Variants in TIMP3 observed in about 807,000 individuals in gnomAD.
TIMP3 encodes TIMP metallopeptidase inhibitor 3, also known as metalloproteinase inhibitor 3.
A neutral mutation model predicts 30.0 loss-of-function variants in TIMP3; 11 were observed. That is an observed-to-expected ratio of 0.37 (90% confidence interval 0.23 to 0.61). The LOEUF is 0.61. Among genes scored for constraint, TIMP3 ranks in the 20% least tolerant of loss-of-function variants. The pLI is 0.70. For missense variants in TIMP3, 181 were observed against 276.8 expected, an observed-to-expected ratio of 0.65 and a Z score of 2.45; for synonymous variants, 112 against 111.3, an observed-to-expected ratio of 1.01 and a Z score of -0.04.
At chr22:32,854,331 C>A (rs920848026) in intron 2 of TIMP3, among the ~76,000 whole-genome samples, 28 of 152,110 alleles carry the variant, frequency 1.8e-4, no homozygotes, top group Non-Finnish European at 1.6e-4. Context: ...CAAGTAGCTG[C>A]GGTGCCAAGC....
intron 1 of TIMP3, among the ~76,000 whole-genome samples, chr22:32,843,570 C>T (rs1021971200): frequency 2.6e-5 from 4 of 152,322 alleles, no homozygotes; most frequent in East Asian, 3.9e-4. Context: ...AAAATACACA[C>T]GAAGGGGCCG....
chr22:32,813,449 G>A (rs2046966035), intron 1 of TIMP3, among the ~76,000 whole-genome samples: 1 of 149,318 alleles, frequency 6.7e-6, no homozygotes, highest in African/African-American at 2.5e-5. Flanking sequence ...GGACAAGCAA[G>A]AAATCCAAAT....
chr22:32,839,900 G>A (rs1041895288), intron 1 of TIMP3, among the ~76,000 whole-genome samples: 2 of 151,910 alleles, frequency 1.3e-5, no homozygotes, highest in Non-Finnish European at 2.9e-5. Flanking sequence ...TACAACAGAC[G>A]TCAGCAGGGG....
chr22:32,856,065 G>A (rs983977482), intron 2 of TIMP3, among the ~76,000 whole-genome samples: 3 of 152,176 alleles, frequency 2.0e-5, no homozygotes, highest in African/African-American at 7.2e-5. Flanking sequence ...TTTCTATAAA[G>A]TGGGGTTTGT....
chr22:32,847,425 A>C (rs1331175144), intron 1 of TIMP3, among the ~76,000 whole-genome samples: 3 of 152,168 alleles, frequency 2.0e-5, no homozygotes, highest in Non-Finnish European at 4.4e-5. Context: ...GCCTCCGCTA[A>C]ATTGCTCACT....
intron 2 of TIMP3, among the ~76,000 whole-genome samples, chr22:32,850,249 C>T (rs901214347): frequency 1.3e-5 from 2 of 151,900 alleles, no homozygotes; most frequent in Non-Finnish European, 2.9e-5. Context: ...CCTAGTCTCA[C>T]CTCTACTCCT....
chr22:32,843,245 G>A (rs2047965259), intron 1 of TIMP3, among the ~76,000 whole-genome samples: 1 of 152,240 alleles, frequency 6.6e-6, no homozygotes, highest in Non-Finnish European at 1.5e-5. Context: ...TGGCACCTAA[G>A]AGGCATTCGA....
Position 32,843,579 on chromosome 22 carries a change from C to T in TIMP3, c.122-5873C>T, listed in dbSNP as rs146806151. Among the ~76,000 whole-genome samples, 648 of 152,288 alleles carry T rather than the reference C, an allele frequency of 4.3e-3. 1 individual carries two copies. Among genetic ancestry groups the T allele is most frequent in the African/African-American group, 0.014 (596 of 41,576 alleles). ...GATGATAAAATACACACGAAGGGGC[C>T]GTGAGACAAGCTGGGTGACAGGGAT... On this transcript the variant is annotated intron_variant, in intron 1 of 4. Transcript: ENST00000266085.
chr22:32,835,295 G>A (rs990913088), intron 1 of TIMP3, among the ~76,000 whole-genome samples: 4 of 152,156 alleles, frequency 2.6e-5, no homozygotes, highest in Non-Finnish European at 4.4e-5. Flanking sequence ...GAGATGTTGC[G>A]GTTAGATACA....
chr22:32,859,894 T>C lies in TIMP3; in HGVS notation c.*517T>C, dbSNP rs2048488242. The C allele has an allele frequency of 6.0e-6, 1 of 167,938 alleles. No homozygotes were observed. The highest frequency in any genetic ancestry group is 1.3e-5 in the Non-Finnish European group (1 of 77,818). The allele number at this position is 167,938 out of a possible 1,614,324, so 10.4% of individuals were successfully genotyped here. ...TAGACTCAAGGTGTGTGAAAGATGT[T>C]ATACACCAGGAGCTGCCACTGCATG... On this transcript the variant is annotated 3_prime_UTR_variant, in exon 5 of 5. Transcript: ENST00000266085.
intron 1 of TIMP3, among the ~76,000 whole-genome samples, chr22:32,806,283 C>T (rs994415771): frequency 6.6e-5 from 10 of 152,108 alleles, no homozygotes; most frequent in African/African-American, 2.4e-4. Flanking sequence ...ATAGATAAGG[C>T]TAGAAAAGTG....
At chr22:32,856,139 G>C (rs981957478) in intron 2 of TIMP3, among the ~76,000 whole-genome samples, 3 of 152,348 alleles carry the variant, frequency 2.0e-5, no homozygotes, top group African/African-American at 7.2e-5. Context: ...GAATGTTTTT[G>C]TGGGCTGGAA....
intron 1 of TIMP3, among the ~76,000 whole-genome samples, chr22:32,833,544 G>GTGACCC (rs2047639795): frequency 6.6e-6 from 1 of 152,192 alleles, no homozygotes; most frequent in African/African-American, 2.4e-5. Flanking sequence ...CTTACACTGA[G>GTGACCC]TGACCCTGAA....
chr22:32,814,309 G>A (rs13058458), intron 1 of TIMP3, among the ~76,000 whole-genome samples: 1 of 4,002 alleles, frequency 2.5e-4, no homozygotes, highest in African/African-American at 1.3e-3. Context: ...AGGAGAGAGA[G>A]AGAGAGACAG....
intron 1 of TIMP3, among the ~76,000 whole-genome samples, chr22:32,817,062 TAA>T (rs130284): frequency 6.9e-6 from 1 of 145,066 alleles, no homozygotes. Flanking sequence ...TCTACTAATT[TAA>T]AAAAAAAAAA....
In TIMP3 at chr22:32,849,553, C is replaced by T; in HGVS notation, c.204+19C>T. On this transcript the variant is annotated intron_variant, in intron 2 of 4. Transcript: ENST00000266085. ...GATGAAGGTAGGTAATGTCATCACCCTGGCTCCGGGAAGGTTTTTGGGTTT... is the reference window on the plus strand; with the variant it reads ...GATGAAGGTAGGTAATGTCATCACCTTGGCTCCGGGAAGGTTTTTGGGTTT... 1 of 1,609,490 alleles carries T rather than the reference C, an allele frequency of 6.2e-7. No homozygotes were observed. Among genetic ancestry groups the T allele is most frequent in the Non-Finnish European group, 8.5e-7 (1 of 1,177,448 alleles).
chr22:32,813,391 C>T (rs555641673), intron 1 of TIMP3, among the ~76,000 whole-genome samples: 1 of 151,904 alleles, frequency 6.6e-6, no homozygotes, highest in African/African-American at 2.4e-5. Flanking sequence ...TGTCCAGCTC[C>T]AGCCTATCAG....
chr22:32,845,285 C>G (rs1391478084), intron 1 of TIMP3, among the ~76,000 whole-genome samples: 1 of 152,126 alleles, frequency 6.6e-6, no homozygotes, highest in Admixed American at 6.5e-5. Flanking sequence ...CAACCTCCAC[C>G]TCCTGGGTTC....
At chr22:32,814,097 A>G (rs2046990382) in intron 1 of TIMP3, among the ~76,000 whole-genome samples, 1 of 136,368 alleles carries the variant, frequency 7.3e-6, no homozygotes, top group East Asian at 2.3e-4. Flanking sequence ...CAGCCTTTCC[A>G]GGCAATACTC....
Sources: gnomAD v4.1 joint callset for allele counts (sites outside exome capture counted in the v4.1 genomes callset) on GRCh38, gnomAD v4.1.1 for gene constraint, MANE v1.5 for transcripts, NCBI Gene and HGNC (gene_info 2026-07-23, HGNC 2026-07-21) for gene names.